Variants in TMEM161B observed in about 807,000 individuals in gnomAD.
TMEM161B encodes the protein transmembrane protein 161B.
A neutral mutation model predicts 61.8 loss-of-function variants in TMEM161B; 34 were observed. The ratio of observed to expected loss-of-function variants is 0.55; its 90% CI spans 0.42 to 0.73. The LOEUF (loss-of-function observed/expected upper bound fraction) is 0.73. Among genes scored for constraint, TMEM161B ranks in the 30% least tolerant of loss-of-function variants. The pLI, the probability that TMEM161B is intolerant of heterozygous loss-of-function variation, is 0.00. For synonymous variants in TMEM161B, 167 were observed against 192.8 expected (o/e 0.87, Z 1.11); for missense variants, 456 against 558.5 (o/e 0.82, Z 1.85).
At chr5:88,241,005 C>A (rs570707330) in intron 1 of TMEM161B, 89 bp from the exon 2 acceptor site, 241 of 865,318 alleles carry the variant, frequency 2.8e-4, no homozygotes, top group Non-Finnish European at 3.9e-4. Flanking sequence ...TTGAAAATTA[C>A]ATTTTAAGAA....
chr5:88,202,657 G>A, intron 9 of TMEM161B: 1 of 295,128 alleles, frequency 3.4e-6, no homozygotes, highest in South Asian at 4.1e-5. Context: ...AACTCCAGAA[G>A]GTATCTGAAC....
chr5:88,200,754 T>A (rs892340180), intron 9 of TMEM161B: 1 of 152,100 alleles, frequency 6.6e-6, no homozygotes, highest in African/African-American at 2.4e-5. Flanking sequence ...AAATTCCTGA[T>A]GCCATTCTGA....
intron 1 of TMEM161B, among the ~76,000 whole-genome samples, chr5:88,243,511 G>T (rs1158087995): frequency 6.6e-6 from 1 of 151,800 alleles, no homozygotes; most frequent in African/African-American, 2.4e-5. Context: ...GGGCATTTAG[G>T]TTGATTCCAT....
downstream of TMEM161B, among the ~76,000 whole-genome samples, chr5:88,192,016 A>G (rs866262808): frequency 9.1e-5 from 8 of 88,164 alleles, no homozygotes; most frequent in Admixed American, 1.2e-4. Context: ...ATATATATAT[A>G]TATATATATA....
chr5:88,221,620 T>C (rs2112531855), intron 4 of TMEM161B: 1 of 448,212 alleles, frequency 2.2e-6, no homozygotes, highest in East Asian at 7.0e-5. Context: ...TATTCCATTC[T>C]TAAGAGTTTA....
intron 4 of TMEM161B, among the ~76,000 whole-genome samples, chr5:88,221,136 AC>A (rs1164321639): frequency 3.3e-5 from 5 of 152,230 alleles, no homozygotes; most frequent in Admixed American, 3.3e-4. Context: ...TATACTGTTC[AC>A]TTTTGTGAAG....
chr5:88,228,671 T>C (rs1211974074), intron 2 of TMEM161B, 143 bp from the exon 3 acceptor site: 2 of 648,016 alleles, frequency 3.1e-6, no homozygotes, highest in Admixed American at 3.4e-5. Context: ...AAACAAATAC[T>C]AACTCTTAAA....
chr5:88,264,979 T>C (rs556782094), intron 1 of TMEM161B, among the ~76,000 whole-genome samples: 1 of 152,190 alleles, frequency 6.6e-6, no homozygotes, highest in African/African-American at 2.4e-5. Flanking sequence ...AAATACCTAA[T>C]ACATACAGAG....
downstream of TMEM161B, among the ~76,000 whole-genome samples, chr5:88,186,603 T>C (rs1198280308): frequency 6.6e-6 from 1 of 152,104 alleles, no homozygotes; most frequent in Admixed American, 6.6e-5. Context: ...AGCATAAGTT[T>C]TTAATTTCTA....
At chr5:88,203,099 AT>A (rs1744739270) in intron 8 of TMEM161B, 24 bp from the exon 9 acceptor site, 4 of 1,437,984 alleles carry the variant, frequency 2.8e-6, no homozygotes, top group Non-Finnish European at 3.9e-6. Flanking sequence ...AGAAATAAAT[AT>A]AAAAATTCAG....
In TMEM161B at chr5:88,232,054, T is replaced by C. The variant is rs1318098585; in HGVS notation, c.108-3526A>G. 5.9e-5 allele frequency among the ~76,000 whole-genome samples: 9 copies of C among 152,194 alleles called. No homozygotes were observed. In the East Asian group the frequency reaches 1.7e-3, roughly 29 times the overall value. ...ATTTTTTTCCATAAAGCAGCCTTCT[T>C]GTGCTTACGAATACTAGACACTACC... On this transcript the variant is annotated intron_variant, in intron 2 of 11. Transcript: ENST00000296595.
chr5:88,205,754 CTTCA>C (rs1382738928), intron 8 of TMEM161B, 56 bp downstream of exon 8: 10 of 1,569,552 alleles, frequency 6.4e-6, no homozygotes, highest in African/African-American at 1.4e-5. Flanking sequence ...AATATTATAC[CTTCA>C]TTAAGATGGA....
In TMEM161B at chr5:88,268,737, G is replaced by A; in HGVS notation, c.-14C>T. ...AGAACTCACCATGGCGCCTAGGATA[G>A]GTCGTGGACCAGACACCCTGGAGTT... On this transcript the variant is annotated 5_prime_UTR_variant, in exon 1 of 12. Transcript: ENST00000296595. 6.2e-7 allele frequency: 1 copy of A among 1,614,076 alleles called. No individual in the cohort carries two copies. Among genetic ancestry groups the A allele is most frequent in the Non-Finnish European group, 8.5e-7 (1 of 1,179,978 alleles).
intron 5 of TMEM161B, among the ~76,000 whole-genome samples, chr5:88,218,301 G>A (rs1251808189): frequency 2.6e-5 from 4 of 152,054 alleles, no homozygotes; most frequent in Admixed American, 1.3e-4. Context: ...TGGTATGGCT[G>A]TAGACACGAA....
In TMEM161B at chr5:88,259,796, A is replaced by G. The variant is rs966196400; in HGVS notation, c.3+8925T>C. On this transcript the variant is annotated intron_variant, in intron 1 of 11. Transcript: ENST00000296595. ...TAACTAGGTTCGGGAAACATTTTCTAAAAATATCGTTACTAATTATGATTT... is the reference window on the plus strand; with the variant it reads ...TAACTAGGTTCGGGAAACATTTTCTGAAAATATCGTTACTAATTATGATTT... Among the ~76,000 whole-genome samples the G allele has an allele frequency of 2.0e-5, 3 of 152,248 alleles. No individual in the cohort carries two copies. The South Asian group carries it at 6.2e-4, about 32-fold the overall frequency.
intron 5 of TMEM161B, among the ~76,000 whole-genome samples, chr5:88,217,032 C>A (rs1473464704): frequency 1.3e-5 from 2 of 152,146 alleles, no homozygotes; most frequent in African/African-American, 2.4e-5. Flanking sequence ...ACATGAGGTA[C>A]CTTCAAATAC....
chr5:88,265,046 AC>A (rs1330585322), intron 1 of TMEM161B, among the ~76,000 whole-genome samples: 1 of 152,192 alleles, frequency 6.6e-6, no homozygotes, highest in African/African-American at 2.4e-5. Context: ...GCACATGTAT[AC>A]CTATGTAACA....
rs764112016 is a variant in TMEM161B, at chr5:88,220,727, GAAAAAAAAAAAA to G, written c.290-20_290-9del. 24 of 602,800 alleles carry G rather than the reference GAAAAAAAAAAAA, an allele frequency of 4.0e-5. No homozygotes were observed. Among genetic ancestry groups the G allele is most frequent in the South Asian group, 2.4e-4 (8 of 33,440 alleles). 37.3% of individuals were successfully genotyped at this position (602,800 alleles called of 1,614,324 possible). A position where few individuals can be genotyped will look rare whatever the true frequency, so the allele number is the denominator to read the frequency against. Reference sequence around the variant, plus strand: ...CTGGAAAGTAATGCAATGCTGGAAAGAAAAAAAAAAAAAAAAAAAAAAAAGGTCAAAAAAAAC... The same window carrying G: ...CTGGAAAGTAATGCAATGCTGGAAAGAAAAAAAAAAAAGGTCAAAAAAAAC... On this transcript the variant is annotated splice_polypyrimidine_tract_variant and intron_variant, in intron 4 of 11. Coordinates refer to ENST00000296595, the MANE Select transcript of TMEM161B (RefSeq NM_153354.5).
chr5:88,252,054 A>G (rs975942979), intron 1 of TMEM161B, among the ~76,000 whole-genome samples: 35 of 152,214 alleles, frequency 2.3e-4, no homozygotes, highest in Non-Finnish European at 1.5e-5. Flanking sequence ...TATTAAAATA[A>G]TATTTGAGCA....
Sources: gnomAD v4.1 joint callset for allele counts (sites outside exome capture counted in the v4.1 genomes callset) on GRCh38, gnomAD v4.1.1 for gene constraint, MANE v1.5 for transcripts, NCBI Gene and HGNC (gene_info 2026-07-23, HGNC 2026-07-21) for gene names.